Variants in BCL6 observed in about 807,000 individuals in gnomAD.
BCL6 encodes the protein BCL6 transcription repressor, also known as B-cell lymphoma 6 protein.
Under a neutral mutation model 59.5 loss-of-function variants are expected in BCL6, and 7 were observed. The observed-to-expected ratio is 0.12, with a 90% CI of 0.07 to 0.22. The LOEUF is 0.22. BCL6 is among the 10% of genes least tolerant of loss of function. The pLI is 1.00. For synonymous variants in BCL6, 339 were observed against 349.7 expected, an observed-to-expected ratio of 0.97 and a Z score of 0.34; for missense variants, 685 against 939.4, an observed-to-expected ratio of 0.73 and a Z score of 3.54.
At chr3:187,738,744 C>A (rs1719406449) in intron 1 of BCL6, among the ~76,000 whole-genome samples, 1 of 152,206 alleles carries the variant, frequency 6.6e-6, no homozygotes, top group Non-Finnish European at 1.5e-5. Context: ...CTGCGCCGCT[C>A]ATCCCTTCTG....
At chr3:187,726,346 G>T (rs187426592) in intron 7 of BCL6, among the ~76,000 whole-genome samples, 151 of 152,298 alleles carry the variant, frequency 9.9e-4, no homozygotes, top group South Asian at 2.1e-3. Flanking sequence ...AAGCTACCTG[G>T]TAAAGGAATG....
Position 187,729,057 on chromosome 3 carries a change from C to G in BCL6, c.1348G>C (p.Val450Leu), listed in dbSNP as rs201771435. 49 of 1,523,524 alleles carry G rather than the reference C, an allele frequency of 3.2e-5. No individual in the cohort carries two copies. The highest frequency in any genetic ancestry group is 2.0e-4 in the Middle Eastern group (1 of 4,962). The allele number at this position is 1,523,524 out of a possible 1,614,324, so 94.4% of individuals were successfully genotyped here. ...IPQASRLNNI[V>L]NRSMTGSPRS... ...GACAGTCTCTGAAATCACCTGTTAA[C>G]GATGTTATTGAGCCGGCTGGCTTGT... is the stretch of plus-strand genomic sequence containing the variant. The change falls in exon 5 of 10, where the codon GTT becomes CTT. Residue 450 changes from valine to leucine, a missense_variant. By Grantham distance (32) the Val-to-Leu change is conservative. This residue lies in a region of BCL6 where 207 missense variants were observed against 213.7 expected (regional missense o/e 0.97). Coordinates refer to ENST00000406870, the MANE Select transcript of BCL6 (RefSeq NM_001706.5). The surrounding 1 kb of genome is among the most constrained non-coding windows in gnomAD (Gnocchi z 5.6).
In BCL6 at chr3:187,725,422, G is replaced by T; in HGVS notation, c.1839+77C>A. 1 of 1,547,100 alleles carries T rather than the reference G, an allele frequency of 6.5e-7. No individual in the cohort carries two copies. Among genetic ancestry groups the T allele is most frequent in the African/African-American group, 1.5e-5 (1 of 68,144 alleles). On this transcript the variant is annotated intron_variant, in intron 8 of 9. Transcript: ENST00000406870. The surrounding 1 kb of genome is among the most constrained non-coding windows in gnomAD (Gnocchi z 4.7). ...GCTCCACTTGCCTGCCCACTCCTCC[G>T]CTTGCCTGCCCACTCCTCCGCTCGC...
Position 187,729,555 on chromosome 3 carries a change from C to T in BCL6, c.850G>A (p.Ala284Thr). 6.2e-7 allele frequency: 1 copy of T among 1,613,958 alleles called. No individual in the cohort carries two copies. Among genetic ancestry groups the T allele is most frequent in the Non-Finnish European group, 8.5e-7 (1 of 1,180,012 alleles). ...GGGGCATTTCGGGCTGAGGGGGCAG[C>T]AGGTTTGAGGCCCTCAGCCACACTG... ...HYSVAEGLKPAAPSARNAPYF... is the reference protein window; with the variant it reads ...HYSVAEGLKPTAPSARNAPYF... The change falls in exon 5 of 10, where the codon GCT becomes ACT. Residue 284 changes from alanine (A) to threonine (T), a missense_variant. By Grantham distance (58) the Ala-to-Thr change is moderately conservative. This residue lies in a region of BCL6 where 268 missense variants were observed against 263.8 expected (regional missense o/e 1.02). Coordinates refer to ENST00000406870, the MANE Select transcript of BCL6 (RefSeq NM_001706.5). The surrounding 1 kb of genome is among the most constrained non-coding windows in gnomAD (Gnocchi z 5.6).
At chr3:187,745,373 TAGCAGC>T (rs1222122448) in intron 1 of BCL6, 31 bp downstream of exon 1, 4 of 401,968 alleles carry the variant, frequency 1.0e-5, no homozygotes, top group Non-Finnish European at 1.8e-5. Flanking sequence ...GCGGCGGCAG[TAGCAGC>T]AGCAGCGGCG....
chr3:187,722,741 A>T, intron 9 of BCL6, 140 bp from the exon 10 acceptor site: 1 of 1,058,494 alleles, frequency 9.4e-7, no homozygotes, highest in Non-Finnish European at 1.3e-6. Context: ...AAGAACCCAT[A>T]TGCATCCGGG....
intron 9 of BCL6, 118 bp downstream of exon 9, chr3:187,724,823 G>C: frequency 7.0e-7 from 1 of 1,418,706 alleles, no homozygotes; most frequent in Non-Finnish European, 9.6e-7. Flanking sequence ...CTGTGTGCTT[G>C]AGATGGGAGC....
chr3:187,727,721 T>C (rs1444091485), intron 6 of BCL6, among the ~76,000 whole-genome samples: 2 of 152,234 alleles, frequency 1.3e-5, no homozygotes, highest in Non-Finnish European at 2.9e-5. Context: ...GTTGTAACAA[T>C]TTGAAAATGA....
intron 3 of BCL6, 140 bp from the exon 4 acceptor site, chr3:187,732,070 A>G: frequency 1.4e-6 from 1 of 722,718 alleles, no homozygotes; most frequent in Non-Finnish European, 2.3e-6. Flanking sequence ...CTATTTATGG[A>G]GAGCTTACCA....
intron 1 of BCL6, among the ~76,000 whole-genome samples, chr3:187,740,693 C>A (rs1273330003): frequency 6.6e-6 from 1 of 152,222 alleles, no homozygotes; most frequent in Non-Finnish European, 1.5e-5. Context: ...TCCTCAACTG[C>A]AAAACAGAGT....
intron 1 of BCL6, among the ~76,000 whole-genome samples, chr3:187,744,054 T>A (rs1711745183): frequency 6.6e-6 from 1 of 152,108 alleles, no homozygotes; most frequent in African/African-American, 2.4e-5. Context: ...GGTAAGGACC[T>A]CGGGAATCTG....
Position 187,725,364 on chromosome 3 carries a change from C to T in BCL6, c.1839+135G>A. 1 of 1,504,090 alleles carries T rather than the reference C, an allele frequency of 6.6e-7. No individual in the cohort carries two copies. The highest frequency in any genetic ancestry group is 8.9e-7 in the Non-Finnish European group (1 of 1,123,388). The allele number at this position is 1,504,090 out of a possible 1,614,324, so 93.2% of individuals were successfully genotyped here. A position where few individuals can be genotyped will look rare whatever the true frequency, so the allele number is the denominator to read the frequency against. On this transcript the variant is annotated intron_variant, in intron 8 of 9. Coordinates refer to ENST00000406870, the MANE Select transcript of BCL6 (RefSeq NM_001706.5). The surrounding 1 kb of genome is among the most constrained non-coding windows in gnomAD (Gnocchi z 4.7). ...ACTGAGTGGGACTTTCTCCTGCCCG[C>T]TCTGCTCACCTGCCCGCTCCGCTTG...
chr3:187,728,398 A>G lies in BCL6; in HGVS notation c.1502T>C (p.Met501Thr). ...TGAGTACTCAGACTGGGTCTCTCCC[A>G]TCTCCTCAGGGAACGTGGGGCCAGC... ...HTAGPTFPEE[M>T]GETQSEYSDS... Residue 501 changes from methionine to threonine, a missense_variant, in exon 6 of 10, where the codon ATG becomes ACG. Physicochemically the swap from Met to Thr is moderately conservative, Grantham distance 81. Transcript: ENST00000406870. The G allele has an allele frequency of 6.2e-7, 1 of 1,608,206 alleles. No individual in the cohort carries two copies. The highest frequency in any genetic ancestry group is 8.5e-7 in the Non-Finnish European group (1 of 1,177,364).
chr3:187,724,238 G>A (rs1206656440), intron 9 of BCL6, among the ~76,000 whole-genome samples: 1 of 152,056 alleles, frequency 6.6e-6, no homozygotes, highest in Non-Finnish European at 1.5e-5. Flanking sequence ...TTTACTTAGG[G>A]ACAATGAAAT....
rs963847944 is a variant in BCL6 at position 187,729,997 on chromosome 3, G to A, written c.408C>T (p.Ile136=). 1 of 1,576,274 alleles carries A rather than the reference G, an allele frequency of 6.3e-7. No individual in the cohort carries two copies. Among genetic ancestry groups the A allele is most frequent in the Admixed American group, 1.8e-5 (1 of 55,132 alleles). ...TGAGGAACTCTTCACGAGGAGGCTT[G>A]ATGGCAGAAACCATCTCTGCTTCAC... is the stretch of plus-strand genomic sequence containing the variant. The part of the protein sequence containing the change: ...KASEAEMVSA[I]KPPREEFLNS... Residue 136 remains isoleucine, a synonymous_variant, in exon 5 of 10, where the codon ATC becomes ATT. Coordinates refer to ENST00000406870, the MANE Select transcript of BCL6 (RefSeq NM_001706.5). This position sits in a 1 kb window ranked among gnomAD's most constrained non-coding sequence, Gnocchi z 5.6.
intron 4 of BCL6, 131 bp downstream of exon 4, chr3:187,731,578 C>T: frequency 1.1e-6 from 1 of 884,594 alleles, no homozygotes; most frequent in Non-Finnish European, 1.8e-6. Context: ...CAGAAGTGTG[C>T]AACAAGAGTG....
At chr3:187,745,225 T>C (rs554504375) in intron 1 of BCL6, among the ~76,000 whole-genome samples, 185 bp downstream of exon 1, 8 of 152,162 alleles carry the variant, frequency 5.3e-5, no homozygotes, top group South Asian at 2.1e-4. Flanking sequence ...TAAATAAATA[T>C]ATACATTTAT....
intron 1 of BCL6, among the ~76,000 whole-genome samples, chr3:187,744,871 A>C (rs1711834105): frequency 1.3e-5 from 2 of 152,282 alleles, no homozygotes; most frequent in South Asian, 2.1e-4. Flanking sequence ...ACGAATCCAG[A>C]GAGATCACAA....
chr3:187,741,445 T>G (rs2108479894), intron 1 of BCL6, among the ~76,000 whole-genome samples: 1 of 151,720 alleles, frequency 6.6e-6, no homozygotes, highest in Admixed American at 6.5e-5. Flanking sequence ...AAAGGGGCGC[T>G]GGGGGCCGAG....
Sources: gnomAD v4.1 joint callset for allele counts (sites outside exome capture counted in the v4.1 genomes callset) on GRCh38, gnomAD v4.1.1 for gene constraint, gnomAD v4.1.1 regional missense constraint, Gnocchi (gnomAD v3.1) non-coding constraint, MANE v1.5 for transcripts, NCBI Gene and HGNC (gene_info 2026-07-23, HGNC 2026-07-21) for gene names.